Variants in WDR27 observed in about 807,000 individuals in gnomAD.
WDR27 encodes the protein WD repeat domain 27.
A neutral mutation model predicts 114.4 loss-of-function variants in WDR27; 100 were observed. The ratio of observed to expected loss-of-function variants is 0.87; its 90% CI spans 0.74 to 1.03. The LOEUF is 1.03. Among genes scored for constraint, WDR27 ranks in the 50% least tolerant of loss-of-function variants. The pLI is 0.00. For missense variants in WDR27, 1,129 were observed against 1,092.9 expected (o/e 1.03, Z -0.47); for synonymous variants, 449 against 423.1 (o/e 1.06, Z -0.75).
In WDR27 at chr6:169,647,869, C is replaced by T. The variant is rs769226276; in HGVS notation, c.1561G>A (p.Glu521Lys). ...SSRSRSSCAR[E>K]AYPVECAVPT... is the part of the protein sequence containing the mutation. ...ACAGCGCACTCCACGGGGTATGCCT[C>T]CCTGAGGGAAGGCCACAGGTAACGG... The change falls in exon 16 of 26, where the codon GAG (glutamate) becomes AAG (lysine). Residue 521 changes from glutamate to lysine, a missense_variant and splice_region_variant. Glu to Lys is a moderately conservative substitution (Grantham distance 56, BLOSUM62 1). Transcript: ENST00000448612. 8 of 1,551,712 alleles carry T rather than the reference C, an allele frequency of 5.2e-6. No individual in the cohort carries two copies. The highest frequency in any genetic ancestry group is 4.9e-5 in the South Asian group (4 of 81,944).
At chr6:169,604,601 T>C (rs1808726256) in intron 22 of WDR27, among the ~76,000 whole-genome samples, 1 of 152,120 alleles carries the variant, frequency 6.6e-6, no homozygotes, top group African/African-American at 2.4e-5. Flanking sequence ...TCATTCTATG[T>C]GGCCAGTATC....
intron 17 of WDR27, among the ~76,000 whole-genome samples, chr6:169,641,467 G>C (rs1409276732): frequency 2.6e-5 from 4 of 152,168 alleles, no homozygotes; most frequent in Admixed American, 6.5e-5. Context: ...AGTGTGATGA[G>C]ATGAGAAGCT....
At chr6:169,447,561 A>C in the WDR27 span, among the ~76,000 whole-genome samples, 2 of 152,164 alleles carry the variant, frequency 1.3e-5, no homozygotes, top group East Asian at 3.9e-4. Context: ...TTACATAAGG[A>C]GACTCTGTGA....
intron 25 of WDR27, among the ~76,000 whole-genome samples, chr6:169,483,388 C>A (rs905865313): frequency 2.1e-4 from 32 of 152,128 alleles, no homozygotes; most frequent in African/African-American, 7.2e-4. Context: ...ACTATGAATA[C>A]CTCTATGCAT....
chr6:169,475,888 C>T (rs1787079024), intron 25 of WDR27, among the ~76,000 whole-genome samples: 2 of 152,086 alleles, frequency 1.3e-5, no homozygotes, highest in African/African-American at 4.8e-5. Context: ...CATTCTTCTC[C>T]TACATATTTT....
intron 2 of WDR27, among the ~76,000 whole-genome samples, chr6:169,685,569 T>G (rs1298017641): frequency 6.6e-6 from 1 of 152,092 alleles, no homozygotes; most frequent in East Asian, 1.9e-4. Flanking sequence ...TTTAAAAACA[T>G]AATTGAGAGC....
At chr6:169,490,977 A>G (rs533721796) in intron 25 of WDR27, among the ~76,000 whole-genome samples, 1 of 152,232 alleles carries the variant, frequency 6.6e-6, no homozygotes, top group South Asian at 2.1e-4. Context: ...TCCGTACACC[A>G]CTCATCATCC....
chr6:169,571,773 G>C (rs1202546159), intron 25 of WDR27, among the ~76,000 whole-genome samples: 1 of 152,176 alleles, frequency 6.6e-6, no homozygotes, highest in Non-Finnish European at 1.5e-5. Flanking sequence ...GGGGGTTTGA[G>C]GCTGTAGTCA....
At chr6:169,433,761 C>T in the WDR27 span, among the ~76,000 whole-genome samples, 1,796 of 152,176 alleles carry the variant, frequency 0.012, 28 homozygotes, top group African/African-American at 0.033. Flanking sequence ...TGTTGTTCCC[C>T]GACTTTTTAA....
intron 2 of WDR27, among the ~76,000 whole-genome samples, chr6:169,679,011 A>G (rs1318137587): frequency 6.6e-6 from 1 of 152,182 alleles, no homozygotes; most frequent in Admixed American, 6.5e-5. Context: ...GGTCTCCACA[A>G]TCCTTTAGCT....
At chr6:169,695,497 A>G (rs770609381) in intron 1 of WDR27, among the ~76,000 whole-genome samples, 2 of 152,230 alleles carry the variant, frequency 1.3e-5, no homozygotes, top group Non-Finnish European at 2.9e-5. Flanking sequence ...CGCTTCTCTA[A>G]TCCACAGTGT....
At chr6:169,608,395 T>C (rs10945446) in intron 22 of WDR27, among the ~76,000 whole-genome samples, 3 of 152,276 alleles carry the variant, frequency 2.0e-5, no homozygotes, top group East Asian at 3.9e-4. Context: ...GACTGGGCAA[T>C]TTACAAAAGA....
At chr6:169,546,217 T>C (rs1797442318) in intron 25 of WDR27, among the ~76,000 whole-genome samples, 1 of 152,216 alleles carries the variant, frequency 6.6e-6, no homozygotes, top group African/African-American at 2.4e-5. Context: ...CACAACTCAG[T>C]GTTTCCAATA....
rs546532686 is a variant in WDR27 at position 169,530,677 on chromosome 6, G to A, written c.2645+41742C>T. Among the ~76,000 whole-genome samples the A allele has an allele frequency of 9.2e-5, 14 of 152,272 alleles. No individual in the cohort carries two copies. In the South Asian group the frequency reaches 1.4e-3, roughly 16 times the overall value. On this transcript the variant is annotated intron_variant, in intron 25 of 25. Coordinates refer to ENST00000448612, the MANE Select transcript of WDR27 (RefSeq NM_182552.5). ...TTTATGGCTGGTATAACGCAGCACC[G>A]CCCAGCAGCAGCTCAGCCTTCTTGA...
At chr6:169,698,832 G>A (rs1326161928) in intron 1 of WDR27, among the ~76,000 whole-genome samples, 1 of 152,236 alleles carries the variant, frequency 6.6e-6, no homozygotes. Flanking sequence ...TCCCACTAAA[G>A]GGTGATCAGG....
At chr6:169,476,887 G>A (rs549560321) in intron 25 of WDR27, among the ~76,000 whole-genome samples, 1 of 152,236 alleles carries the variant, frequency 6.6e-6, no homozygotes, top group Admixed American at 6.5e-5. Flanking sequence ...AATAATGAGA[G>A]TTTTATCTCT....
chr6:169,635,565 T>C (rs759998263), intron 19 of WDR27, among the ~76,000 whole-genome samples: 14 of 152,178 alleles, frequency 9.2e-5, no homozygotes, highest in African/African-American at 2.4e-4. Context: ...GATGCTCTCA[T>C]TGAGATCGGG....
chr6:169,569,866 C>G (rs1201774276), intron 25 of WDR27, among the ~76,000 whole-genome samples: 1 of 152,148 alleles, frequency 6.6e-6, no homozygotes, highest in Non-Finnish European at 1.5e-5. Flanking sequence ...GGTTACCATT[C>G]TAGGGCAGCT....
chr6:169,636,304 T>C, intron 19 of WDR27, 67 bp downstream of exon 19: 2 of 1,574,036 alleles, frequency 1.3e-6, no homozygotes, highest in Non-Finnish European at 1.7e-6. Flanking sequence ...TAAATACCTT[T>C]CAACATCACA....
Sources: gnomAD v4.1 joint callset for allele counts (sites outside exome capture counted in the v4.1 genomes callset) on GRCh38, gnomAD v4.1.1 for gene constraint, MANE v1.5 for transcripts, NCBI Gene and HGNC (gene_info 2026-07-23, HGNC 2026-07-21) for gene names.